Variants in DMD observed in about 807,000 individuals in gnomAD.
DMD encodes mutant dystrophin.
DMD carries 63 observed loss-of-function variants against 330.1 expected under a neutral mutation model. The observed-to-expected ratio is 0.19, with a 90% CI of 0.16 to 0.24. DMD has a LOEUF of 0.24. DMD is among the 10% of genes least tolerant of loss of function. The pLI, the probability that DMD is intolerant of heterozygous loss-of-function variation, is 1.00. For synonymous variants in DMD, 1,223 were observed against 959.8 expected, an observed-to-expected ratio of 1.27 and a Z score of -5.07; for missense variants, 3,344 against 2,684.1, an observed-to-expected ratio of 1.25 and a Z score of -5.43.
intron 1 of DMD, among the ~76,000 whole-genome samples, chrX:33,169,899 A>G (rs750068201): frequency 9.0e-6 from 1 of 110,616 alleles, no homozygotes; most frequent in Admixed American, 9.7e-5. Context: ...CAATCAGTCA[A>G]TACAACGTAG....
intron 27 of DMD, among the ~76,000 whole-genome samples, chrX:32,443,441 G>C (rs2098290646): frequency 9.0e-6 from 1 of 111,133 alleles, no homozygotes; most frequent in Non-Finnish European, 1.9e-5. Context: ...TCCAGCTCCT[G>C]CTGGACTACA....
chrX:33,296,089 C>G (rs966459158), intron 1 of DMD, among the ~76,000 whole-genome samples: 1 of 111,672 alleles, frequency 9.0e-6, no homozygotes, highest in Non-Finnish European at 1.9e-5. Context: ...AATCATATCA[C>G]ATTATTTAGA....
chrX:32,357,244 C>T (rs887319662), intron 37 of DMD, among the ~76,000 whole-genome samples: 4 of 111,938 alleles, frequency 3.6e-5, no homozygotes, highest in Non-Finnish European at 7.5e-5. Context: ...AATTTGGAGT[C>T]ATTTTTGAAT....
intron 2 of DMD, among the ~76,000 whole-genome samples, chrX:32,956,738 G>A (rs936157641): frequency 9.0e-6 from 1 of 110,932 alleles, no homozygotes; most frequent in African/African-American, 3.3e-5. Flanking sequence ...CTAATACTAT[G>A]TTAAATAGGA....
intron 62 of DMD, among the ~76,000 whole-genome samples, chrX:31,293,427 G>A (rs1336879438): frequency 9.0e-6 from 1 of 111,009 alleles, no homozygotes; most frequent in Non-Finnish European, 1.9e-5. Context: ...AAACGCCCTC[G>A]AAAACAATGC....
At chrX:32,788,083 G>A (rs971646427) in intron 7 of DMD, among the ~76,000 whole-genome samples, 3 of 111,490 alleles carry the variant, frequency 2.7e-5, no homozygotes, top group Non-Finnish European at 5.7e-5. Context: ...GCAAAAATCA[G>A]ATTTTAACCC....
chrX:31,701,397 A>C (rs1188705414), intron 52 of DMD, among the ~76,000 whole-genome samples: 1 of 112,065 alleles, frequency 8.9e-6, no homozygotes, highest in African/African-American at 3.2e-5. Flanking sequence ...ATGGCTAAAA[A>C]GCACAATTCC....
intron 43 of DMD, among the ~76,000 whole-genome samples, chrX:32,259,733 T>C (rs1322589047): frequency 8.9e-6 from 1 of 111,862 alleles, no homozygotes; most frequent in East Asian, 2.8e-4. Context: ...CTGCTATGTA[T>C]TGAAGGTCTA....
At position 33,116,693 on chromosome X, in the gene DMD, C is replaced by T. The variant is rs147442565; in HGVS notation, c.31+94589G>A. On this transcript the variant is annotated intron_variant, in intron 1 of 78. Coordinates refer to ENST00000357033, the MANE Select transcript of DMD (RefSeq NM_004006.3). ...CATAGAAAAAAGAGGTGTTTCAAGC[C>T]GTTAGAGAAAGTGTTGTGGTAACTA... 8.1e-3 allele frequency among the ~76,000 whole-genome samples: 899 copies of T among 111,104 alleles called. 3 individuals are homozygous for T. The highest frequency in any genetic ancestry group is 0.012 in the Non-Finnish European group (660 of 53,027).
chrX:32,419,186 T>A (rs2098179361), intron 29 of DMD, among the ~76,000 whole-genome samples: 1 of 110,678 alleles, frequency 9.0e-6, no homozygotes, highest in Non-Finnish European at 1.9e-5. Context: ...CCAAAAAGAA[T>A]AGAGTTAGGA....
At chrX:32,123,592 A>G (rs2096648679) in intron 44 of DMD, among the ~76,000 whole-genome samples, 2 of 111,490 alleles carry the variant, frequency 1.8e-5, no homozygotes, top group Admixed American at 9.6e-5. Context: ...TCCTCGAAGT[A>G]AAATAAATTC....
intron 29 of DMD, among the ~76,000 whole-genome samples, chrX:32,414,624 A>C (rs2098159233): frequency 8.9e-6 from 1 of 112,107 alleles, no homozygotes; most frequent in Non-Finnish European, 1.9e-5. Context: ...TGAAAAGTAT[A>C]AGGAGAAATT....
chrX:33,269,131 T>A (rs2053105978), intron 1 of DMD, among the ~76,000 whole-genome samples: 1 of 110,933 alleles, frequency 9.0e-6, no homozygotes, highest in East Asian at 2.8e-4. Context: ...AAAAGACACA[T>A]GCACTGGTAT....
chrX:33,124,183 A>G (rs2095443643), intron 1 of DMD, among the ~76,000 whole-genome samples: 2 of 107,615 alleles, frequency 1.9e-5, no homozygotes, highest in African/African-American at 6.8e-5. Flanking sequence ...TAAAATAAAA[A>G]TAAAAATACC....
At chrX:32,975,195 TGCCCAATATCCAATAAACCCA>T (rs1465493467) in intron 2 of DMD, among the ~76,000 whole-genome samples, 1 of 110,589 alleles carries the variant, frequency 9.0e-6, no homozygotes, top group Non-Finnish European at 1.9e-5. Context: ...CTTGTTTGCT[TGCCCAATATCCAATAAACCCA>T]GCAAAGAAAT....
At chrX:31,343,674 T>C (rs1270391288) in intron 61 of DMD, among the ~76,000 whole-genome samples, 12 of 103,696 alleles carry the variant, frequency 1.2e-4, no homozygotes, top group African/African-American at 3.9e-4. Context: ...AGAGAGAGAA[T>C]AAGATAAACA....
At chrX:32,396,279 G>C (rs1569560969) in intron 30 of DMD, among the ~76,000 whole-genome samples, 1 of 110,965 alleles carries the variant, frequency 9.0e-6, no homozygotes, top group Non-Finnish European at 1.9e-5. Context: ...TGTTGAGGAT[G>C]AGCTTCTGTG....
chrX:32,841,901 A>G (rs1405139849), intron 4 of DMD, among the ~76,000 whole-genome samples: 2 of 112,006 alleles, frequency 1.8e-5, no homozygotes, highest in East Asian at 2.8e-4. Flanking sequence ...AAGGTAATCC[A>G]CAGAAAAGGA....
intron 2 of DMD, among the ~76,000 whole-genome samples, chrX:32,930,012 T>C (rs150085878): frequency 1.4e-3 from 160 of 111,935 alleles, no homozygotes; most frequent in Non-Finnish European, 2.6e-3. Flanking sequence ...ATACCCATCA[T>C]AGTTTGGAAA....
Sources: allele counts gnomAD v4.1 joint callset (sites outside exome capture counted in the v4.1 genomes callset), GRCh38; gene constraint gnomAD v4.1.1; transcripts MANE v1.5; gene names NCBI Gene and HGNC (gene_info 2026-07-23, HGNC 2026-07-21).